KRT24: variants seen among roughly 807,000 people sequenced by gnomAD.
The protein encoded by KRT24 is keratin 24.
A neutral mutation model predicts 51.7 loss-of-function variants in KRT24; 44 were observed. The observed-to-expected ratio is 0.85, with a 90% CI of 0.67 to 1.09. The LOEUF (loss-of-function observed/expected upper bound fraction) is 1.09, where lower values mean the gene tolerates loss of function less well. Ranked by LOEUF, KRT24 falls within the 50% of genes least tolerant of loss-of-function variation. KRT24 has a pLI of 0.00. For synonymous variants in KRT24, 241 were observed against 249.5 expected (o/e 0.97, Z 0.32); for missense variants, 633 against 647.0 (o/e 0.98, Z 0.24).
chr17:40,702,718 A>G (rs1338607443), intron 1 of KRT24, among the ~76,000 whole-genome samples: 2 of 152,248 alleles, frequency 1.3e-5, no homozygotes, highest in Non-Finnish European at 2.9e-5. Flanking sequence ...ATACTAAAGA[A>G]TATTTAAATC....
At position 40,700,325 on chromosome 17, in the gene KRT24, G is replaced by T. The variant is rs754199352; in HGVS notation, c.914C>A (p.Ala305Glu). ...TAATTTGGTCAGGTCGGTCCCTGGCGCAGCATTCATTTCTACGGTCACCTC... is the reference window on the plus strand; with the variant it reads ...TAATTTGGTCAGGTCGGTCCCTGGCTCAGCATTCATTTCTACGGTCACCTC... ...GGEVTVEMNA[A>E]PGTDLTKLLN... Residue 305 changes from alanine (A) to glutamate (E), a missense_variant, in exon 4 of 8, where the codon GCG (alanine) becomes GAG (glutamate). Physicochemically the swap from Ala to Glu is moderately radical, Grantham distance 107. Transcript: ENST00000264651. The T allele has an allele frequency of 5.0e-6, 8 of 1,613,750 alleles. No homozygotes were observed. The highest frequency in any genetic ancestry group is 1.7e-5 in the Admixed American group (1 of 59,980).
In KRT24 at chr17:40,701,262, C is replaced by G. The variant is rs377311013; in HGVS notation, c.733G>C (p.Glu245Gln). The G allele has an allele frequency of 6.2e-7, 1 of 1,613,898 alleles. No homozygotes were observed. The highest frequency in any genetic ancestry group is 8.5e-7 in the Non-Finnish European group (1 of 1,179,966). Residue 245 changes from glutamate (E) to glutamine (Q), a missense_variant, in exon 3 of 8, where the codon GAG (glutamate) becomes CAG (glutamine). Coordinates refer to ENST00000264651, the MANE Select transcript of KRT24 (RefSeq NM_019016.3). ...TTCCGCAGGCCATTGATGTCAGCCT[C>G]CACGCTCTGCCGGAGACACAGCTCG... The part of the protein sequence containing the change: ...ENELCLRQSV[E>Q]ADINGLRKVL...
In KRT24 at chr17:40,699,510, A is replaced by G. The variant is rs1597774827; in HGVS notation, c.1295T>C (p.Leu432Pro). 6.2e-7 allele frequency: 1 copy of G among 1,613,944 alleles called. No homozygotes were observed. Among genetic ancestry groups the G allele is most frequent in the Non-Finnish European group, 8.5e-7 (1 of 1,179,854 alleles). ...CACCTCCAGGCGTGTCTTGATGTCC[A>G]GCAATTGCTTGTACTCTGCGTTCTG... ...KCQNAEYKQL[L>P]DIKTRLEVEI... Residue 432 changes from leucine (L) to proline (P), a missense_variant, in exon 6 of 8, where the codon CTG (leucine) becomes CCG (proline). Leu to Pro is a moderately conservative substitution (Grantham distance 98, BLOSUM62 -3). Coordinates refer to ENST00000264651, the MANE Select transcript of KRT24 (RefSeq NM_019016.3).
intron 7 of KRT24, 54 bp from the exon 8 acceptor site, chr17:40,698,394 G>T: frequency 7.7e-7 from 1 of 1,292,556 alleles, no homozygotes; most frequent in Non-Finnish European, 1.1e-6. Flanking sequence ...GAAACACAGA[G>T]CAAGAGAAAT....
intron 2 of KRT24, among the ~76,000 whole-genome samples, chr17:40,701,566 G>A (rs1597776892): frequency 6.7e-6 from 1 of 150,136 alleles, no homozygotes; most frequent in East Asian, 2.0e-4. Context: ...TTTTGCAGCT[G>A]TTGTAGGCTG....
rs770948834 is a variant in KRT24 at position 40,703,668 on chromosome 17, G to T, written c.26C>A (p.Ser9Tyr). MSCSSRAS[S>Y]SRAGGSSSAR... ...TGAGCTGCTGCCTCCAGCCCTGGAG[G>T]AGGAGGCGCGAGACGAGCAAGACAT... is the stretch of plus-strand genomic sequence containing the variant. The change falls in exon 1 of 8, where the codon TCC (serine) becomes TAC (tyrosine). Residue 9 changes from serine to tyrosine, a missense_variant. Coordinates refer to ENST00000264651, the MANE Select transcript of KRT24 (RefSeq NM_019016.3). 8.9e-6 allele frequency: 14 copies of T among 1,581,320 alleles called. No individual in the cohort carries two copies. The highest frequency in any genetic ancestry group is 1.1e-5 in the Non-Finnish European group (13 of 1,165,278).
At chr17:40,702,421 C>T (rs1201977451) in intron 1 of KRT24, among the ~76,000 whole-genome samples, 1 of 152,146 alleles carries the variant, frequency 6.6e-6, no homozygotes, top group Non-Finnish European at 1.5e-5. Context: ...ACCTGTATAT[C>T]TGGGGCTGGT....
At position 40,703,513 on chromosome 17, in the gene KRT24, C is replaced by T. The variant is rs377568950; in HGVS notation, c.181G>A (p.Gly61Arg). 1.3e-5 allele frequency: 18 copies of T among 1,427,408 alleles called. No homozygotes were observed. Among genetic ancestry groups the T allele is most frequent in the Non-Finnish European group, 1.7e-5 (18 of 1,063,510 alleles). The allele number at this position is 1,427,408 out of a possible 1,614,324, so 88.4% of individuals were successfully genotyped here. A position where few individuals can be genotyped will look rare whatever the true frequency, so the allele number is the denominator to read the frequency against. ...CCAAAGCCCCCTCCAAAGCTGCCCC[C>T]AAAAGCACCGCTAGACCCCCCACTC... The part of the protein sequence containing the change: ...SLSGGSSGAF[G>R]GSFGGGFGSC... Residue 61 changes from glycine to arginine, a missense_variant, in exon 1 of 8, where the codon GGG becomes AGG. By Grantham distance (125) the Gly-to-Arg change is moderately radical. Transcript: ENST00000264651.
rs35494992 is a variant in KRT24 at position 40,698,463 on chromosome 17, T to C, written c.1474+75A>G. Reference sequence around the variant, plus strand: ...TAAGATTATGTAAAAAATAGCGGACTCTTTTAGTATGACAAGCAAAGTATG... The same window carrying C: ...TAAGATTATGTAAAAAATAGCGGACCCTTTTAGTATGACAAGCAAAGTATG... On this transcript the variant is annotated intron_variant, in intron 7 of 7. Transcript: ENST00000264651. 2.2e-3 allele frequency: 2,399 copies of C among 1,112,646 alleles called. 36 individuals carry two copies. The African/African-American group carries it at 0.029, about 13-fold the overall frequency. The allele number at this position is 1,112,646 out of a possible 1,614,324, so 68.9% of individuals were successfully genotyped here.
intron 7 of KRT24, 30 bp downstream of exon 7, chr17:40,698,508 G>A (rs927768456): frequency 4.4e-5 from 57 of 1,310,338 alleles, no homozygotes; most frequent in Admixed American, 5.8e-5. Flanking sequence ...TTAAATTACA[G>A]AACTATTATC....
chr17:40,700,484 G>GAAA, intron 3 of KRT24, 101 bp from the exon 4 acceptor site: 1 of 601,262 alleles, frequency 1.7e-6, no homozygotes, highest in Non-Finnish European at 2.6e-6. Flanking sequence ...ACACTGAAAG[G>GAAA]AAAAAAAAAA....
In KRT24 at chr17:40,703,136, A is replaced by T. The variant is rs1398407191; in HGVS notation, c.558T>A (p.Gly186=). 6.2e-7 allele frequency: 1 copy of T among 1,613,790 alleles called. No homozygotes were observed. The highest frequency in any genetic ancestry group is 8.5e-7 in the Non-Finnish European group (1 of 1,179,934). Reference sequence around the variant, plus strand: ...ATTTGCTATAATCTCTTCCCGATCCACCGTCTCCAGACCCAGGCCCATATT... The same window carrying T: ...ATTTGCTATAATCTCTTCCCGATCCTCCGTCTCCAGACCCAGGCCCATATT... ...YDKYGPGSGD[G]GSGRDYSKYY... Residue 186 remains glycine, a synonymous_variant, in exon 1 of 8, where the codon GGT becomes GGA. Coordinates refer to ENST00000264651, the MANE Select transcript of KRT24 (RefSeq NM_019016.3).
In KRT24 at chr17:40,698,275, A is replaced by G; in HGVS notation, c.1540T>C (p.Ser514Pro). Residue 514 changes from serine (S) to proline (P), a missense_variant, in exon 8 of 8, where the codon TCT becomes CCT. Ser to Pro is a moderately conservative substitution (Grantham distance 74). Coordinates refer to ENST00000264651, the MANE Select transcript of KRT24 (RefSeq NM_019016.3). ...ACCTCAGAAATACTGCTGACTTGAG[A>G]CGAGACAACCTTGCCATCCACCAAC... The part of the protein sequence containing the change: ...EELVDGKVVS[S>P]QVSSISEVKV... 6.2e-7 allele frequency: 1 copy of G among 1,613,512 alleles called. No homozygotes were observed. Among genetic ancestry groups the G allele is most frequent in the Non-Finnish European group, 8.5e-7 (1 of 1,179,574 alleles).
At position 40,700,129 on chromosome 17, in the gene KRT24, TAC is replaced by T. The variant is rs776459239; in HGVS notation, c.1018-8_1018-7del. 6.2e-7 allele frequency: 1 copy of T among 1,614,158 alleles called. No individual in the cohort carries two copies. Among genetic ancestry groups the T allele is most frequent in the Non-Finnish European group, 8.5e-7 (1 of 1,180,026 alleles). On this transcript the variant is annotated splice_region_variant and splice_polypyrimidine_tract_variant and intron_variant, in intron 4 of 7. Transcript: ENST00000264651. The stretch of plus-strand genomic sequence containing the variant: ...TGTGCTTGTAGTGATGCGCTCTAAA[TAC>T]AAACATAATGCAGCTGTTGTAGGCT...
intron 1 of KRT24, among the ~76,000 whole-genome samples, chr17:40,702,824 T>G (rs2037698263): frequency 6.6e-6 from 1 of 152,208 alleles, no homozygotes; most frequent in Non-Finnish European, 1.5e-5. Flanking sequence ...TATATATAAA[T>G]GATAATTAGC....
At position 40,699,487 on chromosome 17, in the gene KRT24, C is replaced by T. The variant is rs2037648108; in HGVS notation, c.1318G>A (p.Val440Met). The change falls in exon 6 of 8, where the codon GTG becomes ATG. Residue 440 changes from valine to methionine, a missense_variant. Transcript: ENST00000264651. ...QLLDIKTRLE[V>M]EIETYRRLLD... ...AGGCGGCGGTAGGTCTCGATCTCCA[C>T]CTCCAGGCGTGTCTTGATGTCCAGC... 10 of 1,614,004 alleles carry T rather than the reference C, an allele frequency of 6.2e-6. No homozygotes were observed. The highest frequency in any genetic ancestry group is 1.3e-5 in the African/African-American group (1 of 75,022).
chr17:40,701,678 A>C lies in KRT24; in HGVS notation c.698+173T>G, dbSNP rs575137287. Among the ~76,000 whole-genome samples, 196 of 136,206 alleles carry C rather than the reference A, an allele frequency of 1.4e-3. 1 individual carries two copies. Among genetic ancestry groups the C allele is most frequent in the African/African-American group, 5.4e-3 (194 of 35,980 alleles). 89.4% of individuals were successfully genotyped at this position (136,206 alleles called of 152,430 possible). On this transcript the variant is annotated intron_variant, in intron 2 of 7. Coordinates refer to ENST00000264651, the MANE Select transcript of KRT24 (RefSeq NM_019016.3). ...CAGTGGAGATTTGTCTAATGGTCTA[A>C]AGTTTACCCTTGGGATGTTTGTAAA... is the stretch of plus-strand genomic sequence containing the variant.
At chr17:40,700,191 C>G (rs1275457739) in intron 4 of KRT24, 31 bp downstream of exon 4, 1 of 1,613,898 alleles carries the variant, frequency 6.2e-7, no homozygotes, top group Non-Finnish European at 8.5e-7. Flanking sequence ...TGTGTGGCTA[C>G]TGGCTTAGGT....
Position 40,701,885 on chromosome 17 carries a change from T to C in KRT24, c.664A>G (p.Asn222Asp), listed in dbSNP as rs1597777500. The C allele has an allele frequency of 9.1e-6, 14 of 1,538,978 alleles. No individual in the cohort carries two copies. The highest frequency in any genetic ancestry group is 1.4e-5 in the African/African-American group (1 of 72,952). Reference sequence around the variant, plus strand: ...AAGTCATCAGCAGCCAATCTGGCATTGTCAATGTGCAAAATGATCCCAGCA... The same window carrying C: ...AAGTCATCAGCAGCCAATCTGGCATCGTCAATGTGCAAAATGATCCCAGCA... ...ENAGIILHID[N>D]ARLAADDFRL... The change falls in exon 2 of 8, where the codon AAT (asparagine) becomes GAT (aspartate). Residue 222 changes from asparagine to aspartate, a missense_variant. Transcript: ENST00000264651.
Sources: allele counts gnomAD v4.1 joint callset (sites outside exome capture counted in the v4.1 genomes callset), GRCh38; gene constraint gnomAD v4.1.1; transcripts MANE v1.5; gene names NCBI Gene and HGNC (gene_info 2026-07-23, HGNC 2026-07-21).